The following RPH3AL variants were observed in gnomAD, a reference collection of about 807,000 sequenced individuals.
RPH3AL encodes the protein rab effector Noc2.
In RPH3AL, 38 loss-of-function variants were observed where a neutral mutation model predicts 43.1. That is an observed-to-expected ratio of 0.88 (90% CI 0.68 to 1.15). The LOEUF is 1.15. RPH3AL is among the 50% of genes most tolerant of loss of function. RPH3AL has a pLI of 0.00. For synonymous variants in RPH3AL, 189 were observed against 176.3 expected (o/e 1.07, Z -0.57); for missense variants, 462 against 423.2 (o/e 1.09, Z -0.81).
intron 3 of RPH3AL, 108 bp downstream of exon 3, chr17:327,359 T>C: frequency 1.0e-6 from 1 of 983,824 alleles, no homozygotes; most frequent in Non-Finnish European, 1.6e-6. Context: ...CAGGCACCTC[T>C]CTCCAAACAT....
intron 5 of RPH3AL, among the ~76,000 whole-genome samples, chr17:302,540 C>T (rs547405403): frequency 6.6e-5 from 10 of 152,262 alleles, no homozygotes; most frequent in South Asian, 2.1e-4. Flanking sequence ...CAGAGAGGGC[C>T]GTGTCCCCAG....
intron 6 of RPH3AL, among the ~76,000 whole-genome samples, chr17:273,854 A>T (rs2042589817): frequency 6.6e-6 from 1 of 152,186 alleles, no homozygotes; most frequent in Admixed American, 6.5e-5. Flanking sequence ...AACAGAGAAG[A>T]ACACGCTAAT....
At chr17:339,923 C>T (rs1022484458) in intron 1 of RPH3AL, among the ~76,000 whole-genome samples, 1 of 152,124 alleles carries the variant, frequency 6.6e-6, no homozygotes, top group Non-Finnish European at 1.5e-5. Context: ...CTGGCTGTTT[C>T]CCGGAGCAGG....
At chr17:313,136 C>T (rs2043685320) in intron 5 of RPH3AL, among the ~76,000 whole-genome samples, 1 of 152,166 alleles carries the variant, frequency 6.6e-6, no homozygotes, top group South Asian at 2.1e-4. Context: ...CCCTCTAATT[C>T]CTCTCCATCT....
rs575646916 is a variant in RPH3AL at position 296,997 on chromosome 17, GGTGA to G, written c.352-15147_352-15144del. 4.8e-4 allele frequency among the ~76,000 whole-genome samples: 73 copies of G among 152,274 alleles called. No homozygotes were observed. The Middle Eastern group carries it at 0.01, about 21-fold the overall frequency. ...ACCGTAACACCGATTTTCCCCAGGG[GGTGA>G]GTGAGGACTGGAAATCAACATGCAT... On this transcript the variant is annotated intron_variant, in intron 5 of 9. Transcript: ENST00000331302.
chr17:276,805 C>T (rs987124772), intron 6 of RPH3AL, among the ~76,000 whole-genome samples: 2 of 152,158 alleles, frequency 1.3e-5, no homozygotes, highest in South Asian at 4.1e-4. Context: ...GTTATATTTT[C>T]CATTTCTCCC....
chr17:284,354 G>A (rs2042854731), intron 5 of RPH3AL, among the ~76,000 whole-genome samples: 1 of 152,168 alleles, frequency 6.6e-6, no homozygotes, highest in Non-Finnish European at 1.5e-5. Context: ...CAGGAGGGTC[G>A]GTCACACCCT....
Position 333,864 on chromosome 17 carries a change from G to C in RPH3AL, c.-142C>G, listed in dbSNP as rs1205686129. 6.5e-6 allele frequency: 1 copy of C among 153,664 alleles called. No homozygotes were observed. Among genetic ancestry groups the C allele is most frequent in the Non-Finnish European group, 1.5e-5 (1 of 68,918 alleles). The allele number at this position is 153,664 out of a possible 1,614,324, so 9.5% of individuals were successfully genotyped here. ...AGTGTCCACTACACAAATTCTGCTGGAGGCAGCTGTGTCTTGGTAGCCTAA... is the reference window on the plus strand; with the variant it reads ...AGTGTCCACTACACAAATTCTGCTGCAGGCAGCTGTGTCTTGGTAGCCTAA... On this transcript the variant is annotated 5_prime_UTR_variant, in exon 2 of 10. Transcript: ENST00000331302. The surrounding 1 kb of genome is among the most constrained non-coding windows in gnomAD (Gnocchi z 4.5).
intron 1 of RPH3AL, among the ~76,000 whole-genome samples, chr17:340,340 C>A (rs1044253310): frequency 6.8e-6 from 1 of 146,000 alleles, no homozygotes; most frequent in Non-Finnish European, 1.5e-5. Context: ...ATGCCCAGGC[C>A]CAGGCCTCCC....
At chr17:316,623 CCTGT>C in intron 5 of RPH3AL, among the ~76,000 whole-genome samples, 1 of 99,904 alleles carries the variant, frequency 1.0e-5, no homozygotes, top group African/African-American at 3.6e-5. Flanking sequence ...ACTTGTAGTC[CCTGT>C]ACTCCACCTC....
intron 5 of RPH3AL, among the ~76,000 whole-genome samples, chr17:315,257 C>T (rs1451893893): frequency 2.1e-4 from 26 of 121,788 alleles, no homozygotes; most frequent in African/African-American, 7.5e-4. Context: ...GTCCCTGTGC[C>T]CCCACCTCCA....
At chr17:249,382 G>C (rs1361796151) in intron 6 of RPH3AL, among the ~76,000 whole-genome samples, 1 of 152,034 alleles carries the variant, frequency 6.6e-6, no homozygotes, top group South Asian at 2.1e-4. Context: ...CAGGAGCAGG[G>C]CTTATCTCAC....
At chr17:321,645 G>GCCCA (rs1333965378) in intron 3 of RPH3AL, 40 of 476,672 alleles carry the variant, frequency 8.4e-5, no homozygotes, top group South Asian at 2.7e-4. Flanking sequence ...CCGTGTGCCG[G>GCCCA]GGTTGGGATT....
chr17:316,728 CATTG>C (rs1567514364), intron 5 of RPH3AL, among the ~76,000 whole-genome samples: 2 of 151,054 alleles, frequency 1.3e-5, no homozygotes, highest in Non-Finnish European at 3.0e-5. Context: ...GCCCCACCTC[CATTG>C]ACCTGTAGTC....
intron 6 of RPH3AL, among the ~76,000 whole-genome samples, chr17:268,871 T>C (rs1233393487): frequency 6.6e-6 from 1 of 152,088 alleles, no homozygotes; most frequent in Non-Finnish European, 1.5e-5. Flanking sequence ...GATGATTTTT[T>C]ATTTTTTATT....
At position 245,073 on chromosome 17, in the gene RPH3AL, A is replaced by G. The variant is rs1555539215; in HGVS notation, c.613+2038T>C. Among the ~76,000 whole-genome samples, 27 of 147,282 alleles carry G rather than the reference A, an allele frequency of 1.8e-4. No individual in the cohort carries two copies. The highest frequency in any genetic ancestry group is 3.7e-4 in the Non-Finnish European group (25 of 67,048). On this transcript the variant is annotated intron_variant, in intron 7 of 9. Coordinates refer to ENST00000331302, the MANE Select transcript of RPH3AL (RefSeq NM_006987.4). This position sits in a 1 kb window ranked among gnomAD's most constrained non-coding sequence, Gnocchi z 5.9. ...TGTGCATGTGGATGTGTGTGCATAA[A>G]TGTGCATGCGCAAGTGTGTGTAGAC...
chr17:296,760 C>T (rs1222294628), intron 5 of RPH3AL, among the ~76,000 whole-genome samples: 1 of 152,048 alleles, frequency 6.6e-6, no homozygotes, highest in Non-Finnish European at 1.5e-5. Context: ...CTTCAAGTCA[C>T]ATATGAAAAA....
chr17:340,132 G>C (rs1210786896), intron 1 of RPH3AL, among the ~76,000 whole-genome samples: 4 of 151,896 alleles, frequency 2.6e-5, no homozygotes. Flanking sequence ...TAGTCCTAAG[G>C]GGTCCCCCTG....
At chr17:259,873 C>A (rs1555545726) in intron 6 of RPH3AL, among the ~76,000 whole-genome samples, 3 of 152,228 alleles carry the variant, frequency 2.0e-5, no homozygotes, top group Admixed American at 6.5e-5. Flanking sequence ...ATTTTAATTA[C>A]CATGATAACA....
Sources: gnomAD v4.1 joint callset for allele counts (sites outside exome capture counted in the v4.1 genomes callset) on GRCh38, gnomAD v4.1.1 for gene constraint, Gnocchi (gnomAD v3.1) non-coding constraint, MANE v1.5 for transcripts, NCBI Gene and HGNC (gene_info 2026-07-23, HGNC 2026-07-21) for gene names.